AR: variants seen among roughly 807,000 people sequenced by gnomAD.
AR encodes the protein androgen receptor.
Under a neutral mutation model 53.9 loss-of-function variants are expected in AR, and 8 were observed. The ratio of observed to expected loss-of-function variants is 0.15; its 90% CI spans 0.09 to 0.27. AR has a LOEUF of 0.27. AR is among the 10% of genes least tolerant of loss of function. The pLI is 1.00. For missense variants in AR, 639 were observed against 742.5 expected (o/e 0.86, Z 1.62); for synonymous variants, 359 against 316.4 (o/e 1.13, Z -1.43).
chrX:67,582,561 C>T (rs774014849), intron 1 of AR, among the ~76,000 whole-genome samples: 1 of 111,498 alleles, frequency 9.0e-6, no homozygotes, highest in Non-Finnish European at 1.9e-5. Context: ...ATACTCAGGT[C>T]CTCCAGAGGA....
rs774645775 is a variant in AR at position 67,546,341 on chromosome X, T to G, written c.1195T>G (p.Trp399Gly). 1 of 1,190,968 alleles carries G rather than the reference T, an allele frequency of 8.4e-7. No individual in the cohort carries two copies. Among genetic ancestry groups the G allele is most frequent in the South Asian group, 1.8e-5 (1 of 54,646 alleles). ...GAACCCGCTGGACTACGGCAGCGCC[T>G]GGGCGGCTGCGGCGGCGCAGTGCCG... Reference protein sequence around the residue: ...LENPLDYGSAWAAAAAQCRYG... With the variant: ...LENPLDYGSAGAAAAAQCRYG... Residue 399 changes from tryptophan to glycine, a missense_variant, in exon 1 of 8, where the codon TGG becomes GGG. By Grantham distance (184) the Trp-to-Gly change is radical. Transcript: ENST00000374690.
At chrX:67,650,561 T>C (rs757915901) in intron 2 of AR, among the ~76,000 whole-genome samples, 5 of 112,480 alleles carry the variant, frequency 4.4e-5, no homozygotes, top group Non-Finnish European at 9.4e-5. Flanking sequence ...AACTGAATTC[T>C]GCGAGAAGCC....
intron 2 of AR, among the ~76,000 whole-genome samples, chrX:67,654,300 C>T (rs972286211): frequency 3.6e-5 from 4 of 110,946 alleles, no homozygotes; most frequent in African/African-American, 1.3e-4. Flanking sequence ...CTGGGTAGGC[C>T]GAAAGAGCAA....
Position 67,545,731 on chromosome X carries a change from G to A in AR, c.585G>A (p.Gln195=), listed in dbSNP as rs746897495. Reference sequence around the variant, plus strand: ...AGGCCAGCACCATGCAACTCCTTCAGCAACAGCAGCAGGAAGCAGTATCCG... The same window carrying A: ...AGGCCAGCACCATGCAACTCCTTCAACAACAGCAGCAGGAAGCAGTATCCG... ...LSEASTMQLL[Q]QQQQEAVSEG... The change falls in exon 1 of 8, where the codon CAG becomes CAA. Residue 195 remains glutamine (Q), a synonymous_variant. Transcript: ENST00000374690. The A allele has an allele frequency of 3.3e-6, 4 of 1,209,684 alleles. No individual in the cohort carries two copies. Among genetic ancestry groups the A allele is most frequent in the Non-Finnish European group, 4.5e-6 (4 of 894,869 alleles).
chrX:67,685,907 G>T, intron 2 of AR, 103 bp from the exon 3 acceptor site: 11 of 1,130,918 alleles, frequency 9.7e-6, no homozygotes, highest in Non-Finnish European at 1.3e-5. Flanking sequence ...TTTTTCATGT[G>T]GTAGGATATA....
intron 2 of AR, among the ~76,000 whole-genome samples, chrX:67,665,134 A>G (rs1390869644): frequency 2.7e-5 from 3 of 112,583 alleles, no homozygotes; most frequent in African/African-American, 9.7e-5. Flanking sequence ...TGCACCCACC[A>G]TTTGACACTC....
At chrX:67,689,489 T>A in intron 3 of AR, 1 of 739,736 alleles carries the variant, frequency 1.4e-6, no homozygotes, top group Non-Finnish European at 1.8e-6. Context: ...TCAGAGATAC[T>A]TAATAGATAT....
intron 2 of AR, among the ~76,000 whole-genome samples, chrX:67,643,882 C>G (rs1454940920): frequency 1.8e-5 from 2 of 111,676 alleles, no homozygotes; most frequent in Admixed American, 9.5e-5. Flanking sequence ...CACTCTTCAG[C>G]AGACTATCAG....
At chrX:67,663,498 T>G (rs1185732271) in intron 2 of AR, among the ~76,000 whole-genome samples, 1 of 112,676 alleles carries the variant, frequency 8.9e-6, no homozygotes, top group Non-Finnish European at 1.9e-5. Context: ...AGATCAGCTC[T>G]TAATCTGATG....
intron 1 of AR, among the ~76,000 whole-genome samples, chrX:67,621,170 A>C (rs971577401): frequency 1.8e-5 from 2 of 111,671 alleles, no homozygotes; most frequent in Non-Finnish European, 3.8e-5. Flanking sequence ...CTAGTCTCAG[A>C]CTTGCCTCTG....
intron 1 of AR, among the ~76,000 whole-genome samples, chrX:67,554,388 G>C (rs1930108313): frequency 9.0e-6 from 1 of 111,576 alleles, no homozygotes; most frequent in Non-Finnish European, 1.9e-5. Context: ...TCTAGATGGG[G>C]AAAGGATTCA....
rs758022551 is a variant in AR at position 67,546,295 on chromosome X, C to T, written c.1149C>T (p.Pro383=). The T allele has an allele frequency of 2.2e-5, 26 of 1,201,576 alleles. No individual in the cohort carries two copies. The East Asian group carries it at 7.2e-4, about 33-fold the overall frequency. ...CGCCCCCTCCGCCGCCTCCCCATCC[C>T]CACGCTCGCATCAAGCTGGAGAACC... ...GPPPPPPPPH[P]HARIKLENPL... The change falls in exon 1 of 8, where the codon CCC becomes CCT. Residue 383 remains proline (P), a synonymous_variant. Transcript: ENST00000374690.
intron 1 of AR, among the ~76,000 whole-genome samples, chrX:67,561,330 A>G (rs1398085287): frequency 3.6e-5 from 4 of 112,166 alleles, no homozygotes; most frequent in African/African-American, 9.7e-5. Flanking sequence ...TAACATAAAT[A>G]CAGTCAGCCC....
chrX:67,571,049 G>T (rs940625912), intron 1 of AR, among the ~76,000 whole-genome samples: 13 of 110,958 alleles, frequency 1.2e-4, no homozygotes, highest in African/African-American at 4.3e-4. Flanking sequence ...ACCATATAAG[G>T]AAGGCAGTAA....
chrX:67,718,946 G>T (rs1352704771), intron 5 of AR, among the ~76,000 whole-genome samples: 1 of 111,385 alleles, frequency 9.0e-6, no homozygotes, highest in Non-Finnish European at 1.9e-5. Context: ...ATTGTGAATG[G>T]AGCTGGCCAG....
chrX:67,677,601 G>A (rs964864747), intron 2 of AR, among the ~76,000 whole-genome samples: 4 of 112,010 alleles, frequency 3.6e-5, no homozygotes, highest in African/African-American at 9.7e-5. Context: ...CTTATAAATC[G>A]AGAGGAATGG....
intron 3 of AR, among the ~76,000 whole-genome samples, chrX:67,709,281 G>A (rs2076083103): frequency 1.8e-5 from 2 of 112,195 alleles, no homozygotes; most frequent in African/African-American, 6.5e-5. Context: ...GTTGCGGTAG[G>A]CTCCACCCAG....
At position 67,683,875 on chromosome X, in the gene AR, GAA is replaced by G. The variant is rs201630209; in HGVS notation, c.1769-2122_1769-2121del. On this transcript the variant is annotated intron_variant, in intron 2 of 7. Coordinates refer to ENST00000374690, the MANE Select transcript of AR (RefSeq NM_000044.6). ...AAGGAAATTATCCGAGTTCCAAATT[GAA>G]AAAAAAAAAAAATCATGCTTTTCCG... Among the ~76,000 whole-genome samples the G allele has an allele frequency of 3.2e-5, 3 of 95,101 alleles. No individual in the cohort carries two copies. In the East Asian group the frequency reaches 9.6e-4, roughly 30 times the overall value. 82.6% of individuals were successfully genotyped at this position (95,101 alleles called of 115,157 possible).
intron 7 of AR, among the ~76,000 whole-genome samples, chrX:67,723,320 G>C (rs1268623562): frequency 3.9e-4 from 38 of 98,598 alleles, no homozygotes; most frequent in African/African-American, 1.3e-3. Flanking sequence ...GTCTGTGTGT[G>C]TGTGTGTGTG....
Sources: allele counts gnomAD v4.1 joint callset (sites outside exome capture counted in the v4.1 genomes callset), GRCh38; gene constraint gnomAD v4.1.1; transcripts MANE v1.5; gene names NCBI Gene and HGNC (gene_info 2026-07-23, HGNC 2026-07-21).